ACVRL1: variants seen among roughly 807,000 people sequenced by gnomAD.
ACVRL1 encodes activin receptor type-1-like.
In ACVRL1, 20 loss-of-function variants were observed where a neutral mutation model predicts 51.9. The observed-to-expected ratio is 0.39, with a 90% CI of 0.27 to 0.56. The LOEUF is 0.56. ACVRL1 is among the 20% of genes least tolerant of loss of function. ACVRL1 has a pLI of 0.67. For missense variants in ACVRL1, 451 were observed against 670.3 expected (o/e 0.67, Z 3.61); for synonymous variants, 288 against 280.9 (o/e 1.03, Z -0.25).
Position 51,913,616 on chromosome 12 carries a change from G to A in ACVRL1, c.371G>A (p.Gly124Asp). ...GATGGCCAGCTGGCCCTGATCCTGG[G>A]CCCCGTGCTGGCCTTGCTGGCCCTG... ...GTDGQLALIL[G>D]PVLALLALVA... The change falls in exon 4 of 10, where the codon GGC (glycine) becomes GAC (aspartate). Residue 124 changes from glycine to aspartate, a missense_variant. Physicochemically the swap from Gly to Asp is moderately conservative, Grantham distance 94. Around this residue, in one of 2 missense-constraint regions of ACVRL1, gnomAD observed 192 missense variants for 216.9 expected, o/e 0.89. Coordinates refer to ENST00000388922, the MANE Select transcript of ACVRL1 (RefSeq NM_000020.3). The A allele has an allele frequency of 1.2e-6, 2 of 1,602,730 alleles. No individual in the cohort carries two copies. Among genetic ancestry groups the A allele is most frequent in the Non-Finnish European group, 1.7e-6 (2 of 1,179,904 alleles).
intron 3 of ACVRL1, 70 bp downstream of exon 3, chr12:51,913,420 T>G: frequency 7.4e-7 from 1 of 1,353,606 alleles, no homozygotes; most frequent in Non-Finnish European, 1.0e-6. Flanking sequence ...TCCTTTCCTC[T>G]CATGCTCTGG....
chr12:51,912,829 C>T (rs541899955), intron 2 of ACVRL1, among the ~76,000 whole-genome samples: 1 of 152,124 alleles, frequency 6.6e-6, no homozygotes, highest in Non-Finnish European at 1.5e-5. Context: ...GGAGAGCACT[C>T]AGGGCTGGGG....
chr12:51,912,615 G>T, intron 2 of ACVRL1, 80 bp downstream of exon 2: 1 of 1,243,654 alleles, frequency 8.0e-7, no homozygotes. Context: ...CTCTGCCTGG[G>T]GCTGAACTTG....
rs1320147844 is a variant in ACVRL1 at position 51,922,046 on chromosome 12, TTATCTA to T, written c.*1154_*1159del. On this transcript the variant is annotated 3_prime_UTR_variant, in exon 10 of 10. Coordinates refer to ENST00000388922, the MANE Select transcript of ACVRL1 (RefSeq NM_000020.3). ...CGCGCCTGGCCAGGACCTTTGTTTC[TTATCTA>T]CATATTGGAAGATTTGGTCCTGATG... The T allele has an allele frequency of 6.6e-6, 1 of 152,246 alleles. No individual in the cohort carries two copies. The highest frequency in any genetic ancestry group is 1.9e-4 in the East Asian group (1 of 5,198). The allele number at this position is 152,246 out of a possible 1,614,324, so 9.4% of individuals were successfully genotyped here. A position where few individuals can be genotyped will look rare whatever the true frequency, so the allele number is the denominator to read the frequency against.
Sources: gnomAD v4.1 joint callset for allele counts (sites outside exome capture counted in the v4.1 genomes callset) on GRCh38, gnomAD v4.1.1 for gene constraint, gnomAD v4.1.1 regional missense constraint, MANE v1.5 for transcripts, NCBI Gene and HGNC (gene_info 2026-07-23, HGNC 2026-07-21) for gene names.